Variants in IQGAP3 observed in about 807,000 individuals in gnomAD.
IQGAP3 encodes IQ motif containing GTPase activating protein 3.
IQGAP3 carries 165 observed loss-of-function variants against 208.2 expected under a neutral mutation model. The observed-to-expected ratio is 0.79, with a 90% CI of 0.70 to 0.90. IQGAP3 has a LOEUF of 0.90. IQGAP3 is among the 40% of genes least tolerant of loss of function. IQGAP3 has a pLI of 0.00. For synonymous variants in IQGAP3, 703 were observed against 803.6 expected (o/e 0.87, Z 2.12); for missense variants, 1,811 against 2,043.1 (o/e 0.89, Z 2.19).
intron 9 of IQGAP3, 67 bp downstream of exon 9, chr1:156,562,520 C>A: frequency 2.3e-6 from 3 of 1,300,596 alleles, no homozygotes; most frequent in Non-Finnish European, 3.4e-6. Flanking sequence ...AAGCTATCCC[C>A]AAACCTCCCA....
At chr1:156,541,580 C>T (rs1404727611) in intron 22 of IQGAP3, among the ~76,000 whole-genome samples, 1 of 152,158 alleles carries the variant, frequency 6.6e-6, no homozygotes, top group Non-Finnish European at 1.5e-5. Flanking sequence ...GTTCTAAGTA[C>T]TTTACGTACT....
rs767540369 is a variant in IQGAP3, at chr1:156,528,963, G to A, written c.4524C>T (p.Tyr1508=). Residue 1508 remains tyrosine (Y), a synonymous_variant, in exon 35 of 38, where the codon TAC becomes TAT. Transcript: ENST00000361170. The part of the protein sequence containing the change: ...TTFYEEQGDY[Y]SQYIRACLDH... ...CCAGGCAGGCCCGGATGTACTGGCT[G>A]TAGTAGTCACCCTGCTCCTCATAGA... is the stretch of plus-strand genomic sequence containing the variant. The A allele has an allele frequency of 5.6e-6, 9 of 1,614,248 alleles. No homozygotes were observed. Among genetic ancestry groups the A allele is most frequent in the Admixed American group, 1.7e-5 (1 of 60,032 alleles).
intron 9 of IQGAP3, 136 bp from the exon 10 acceptor site, chr1:156,562,137 A>T: frequency 3.6e-6 from 3 of 829,112 alleles, no homozygotes; most frequent in Non-Finnish European, 5.5e-6. Flanking sequence ...TCCTGGGCCC[A>T]TTTGGTTCAG....
intron 10 of IQGAP3, among the ~76,000 whole-genome samples, chr1:156,561,271 C>T (rs1004087795): frequency 1.3e-5 from 2 of 151,988 alleles, no homozygotes; most frequent in African/African-American, 4.8e-5. Context: ...CGGGTTCAAG[C>T]GATTCTCTGC....
Position 156,539,882 on chromosome 1 carries a change from G to T in IQGAP3, c.2848C>A (p.Arg950=), listed in dbSNP as rs748398015. The T allele has an allele frequency of 6.2e-7, 1 of 1,614,004 alleles. No homozygotes were observed. Among genetic ancestry groups the T allele is most frequent in the Non-Finnish European group, 8.5e-7 (1 of 1,180,044 alleles). ...KGLKSLSKEK[R]QKLEAYQHLF... is the part of the protein sequence containing the mutation. The stretch of plus-strand genomic sequence containing the variant: ...TGTTGGTATGCTTCTAGTTTCTGCC[G>T]TTTCTCTTTGCTCAGCGACTTTAAA... The change falls in exon 24 of 38, where the codon CGG becomes AGG. Residue 950 remains arginine, a synonymous_variant. Transcript: ENST00000361170.
Position 156,544,391 on chromosome 1 carries a change from T to G in IQGAP3, c.2386A>C (p.Lys796Gln). Residue 796 changes from lysine (K) to glutamine (Q), a missense_variant and splice_region_variant, in exon 20 of 38, where the codon AAG (lysine) becomes CAG (glutamine). Coordinates refer to ENST00000361170, the MANE Select transcript of IQGAP3 (RefSeq NM_178229.5). Reference sequence around the variant, plus strand: ...CCTGCCAAAACCACCGTAGCTACCTTGATTATGGCATCCAGGTTTGCTTTA... The same window carrying G: ...CCTGCCAAAACCACCGTAGCTACCTGGATTATGGCATCCAGGTTTGCTTTA... ...YFKANLDAII[K>Q]IQAWARMWAA... The G allele has an allele frequency of 6.2e-7, 1 of 1,611,984 alleles. No homozygotes were observed. Among genetic ancestry groups the G allele is most frequent in the Non-Finnish European group, 8.5e-7 (1 of 1,178,070 alleles).
rs765604535 is a variant in IQGAP3 at position 156,540,842 on chromosome 1, A to G, written c.2605T>C (p.Leu869=). 6.8e-6 allele frequency: 11 copies of G among 1,614,056 alleles called. No homozygotes were observed. In the South Asian group the frequency reaches 1.1e-4, roughly 16 times the overall value. The change falls in exon 23 of 38, where the codon TTG becomes CTG. Residue 869 remains leucine, a synonymous_variant. Transcript: ENST00000361170. ...AGCTTCAGCAGCTCTGCCTCAGCCA[A>G]GAAGTCTTGCTGGCTTTGATTCAAG... ...HLLNQSQQDF[L]AEAELLKLQE...
rs1436256054 is a variant in IQGAP3, at chr1:156,548,677, T to G, written c.1897A>C (p.Arg633=). The change falls in exon 17 of 38, where the codon AGG becomes CGG. Residue 633 remains arginine, a synonymous_variant. Coordinates refer to ENST00000361170, the MANE Select transcript of IQGAP3 (RefSeq NM_178229.5). ...CCTCGAAGGGCCACTGCGGGGTTCC[T>G]CAACACCCGCTCAGTCTGGGCTGCC... ...GKAAQTERVL[R]NPAVALRGVV... 2 of 1,611,744 alleles carry G rather than the reference T, an allele frequency of 1.2e-6. No homozygotes were observed. The highest frequency in any genetic ancestry group is 1.7e-6 in the Non-Finnish European group (2 of 1,178,630).
intron 20 of IQGAP3, 76 bp downstream of exon 20, chr1:156,544,310 CAAG>C: frequency 2.5e-6 from 4 of 1,571,166 alleles, no homozygotes; most frequent in Non-Finnish European, 3.5e-6. Context: ...CTAGAGGTCA[CAAG>C]AAGGTGACAA....
rs760391053 is a variant in IQGAP3, at chr1:156,528,108, G to T, written c.4674-48C>A. The stretch of plus-strand genomic sequence containing the variant: ...CAGGAACCCACTGCCTCTTTCCAGG[G>T]CTACAGCCACATTCTTGCACCCACT... On this transcript the variant is annotated intron_variant, in intron 36 of 37. Coordinates refer to ENST00000361170, the MANE Select transcript of IQGAP3 (RefSeq NM_178229.5). 1.3e-5 allele frequency: 19 copies of T among 1,410,400 alleles called. No individual in the cohort carries two copies. The East Asian group carries it at 4.1e-4, about 30-fold the overall frequency. The allele number at this position is 1,410,400 out of a possible 1,614,324, so 87.4% of individuals were successfully genotyped here.
At position 156,556,513 on chromosome 1, in the gene IQGAP3, C is replaced by T. The variant is rs182217684; in HGVS notation, c.1290+20G>A. 3,100 of 1,613,606 alleles carry T rather than the reference C, an allele frequency of 1.9e-3. 8 individuals carry two copies. Among genetic ancestry groups the T allele is most frequent in the Admixed American group, 2.8e-3 (168 of 59,964 alleles). On this transcript the variant is annotated intron_variant, in intron 12 of 37. Coordinates refer to ENST00000361170, the MANE Select transcript of IQGAP3 (RefSeq NM_178229.5). ...GCTGCATGGAGACTGCAGAGCTAGA[C>T]CCACATTTCTGGGGCTTACCCCCTG...
Position 156,569,425 on chromosome 1 carries a change from G to A in IQGAP3, c.76C>T (p.Arg26Trp), listed in dbSNP as rs148426263. The A allele has an allele frequency of 7.4e-6, 12 of 1,612,142 alleles. No individual in the cohort carries two copies. Among genetic ancestry groups the A allele is most frequent in the African/African-American group, 2.7e-5 (2 of 74,710 alleles). The stretch of plus-strand genomic sequence containing the variant: ...AGGTACTGATAGGCAACATTCTGCC[G>A]CCTCTGCTCATCCATCTCCTCAGCT... ...LTAEEMDEQR[R>W]QNVAYQYLCR... The change falls in exon 2 of 38, where the codon CGG (arginine) becomes TGG (tryptophan). Residue 26 changes from arginine (R) to tryptophan (W), a missense_variant. Transcript: ENST00000361170.
intron 25 of IQGAP3, 95 bp from the exon 26 acceptor site, chr1:156,539,128 C>T (rs1674855320): frequency 9.5e-7 from 1 of 1,055,248 alleles, no homozygotes; most frequent in Non-Finnish European, 1.4e-6. Flanking sequence ...CAAAGCCTGC[C>T]CTGGTGTCCC....
At chr1:156,543,787 C>CT (rs60989774) in intron 22 of IQGAP3, among the ~76,000 whole-genome samples, 194 bp downstream of exon 22, 71,065 of 152,058 alleles carry the variant, frequency 0.47, 19,509 homozygotes, top group African/African-American at 0.75. Flanking sequence ...AGAACTTTCA[C>CT]GTGACAAGGC....
intron 19 of IQGAP3, among the ~76,000 whole-genome samples, chr1:156,544,832 A>T (rs1264816081): frequency 6.6e-6 from 1 of 152,172 alleles, no homozygotes; most frequent in Admixed American, 6.5e-5. Context: ...GTACCATATC[A>T]GCCTAAAATA....
chr1:156,545,573 C>A (rs1675203237), intron 19 of IQGAP3, among the ~76,000 whole-genome samples: 1 of 151,062 alleles, frequency 6.6e-6, no homozygotes, highest in Admixed American at 6.6e-5. Context: ...TGTCATGGCT[C>A]ACTGCAGCGT....
chr1:156,543,521 A>C (rs1375787579), intron 22 of IQGAP3, among the ~76,000 whole-genome samples: 1 of 152,204 alleles, frequency 6.6e-6, no homozygotes, highest in East Asian at 1.9e-4. Flanking sequence ...GGATCTCTTT[A>C]AAGCTTTAAA....
intron 19 of IQGAP3, among the ~76,000 whole-genome samples, chr1:156,545,943 C>T (rs1675224321): frequency 6.6e-6 from 1 of 152,174 alleles, no homozygotes; most frequent in Non-Finnish European, 1.5e-5. Context: ...AAAGCCAGTT[C>T]TGCCAGCTTT....
chr1:156,536,391 T>C (rs546298654), intron 27 of IQGAP3, among the ~76,000 whole-genome samples: 1 of 152,290 alleles, frequency 6.6e-6, no homozygotes, highest in East Asian at 1.9e-4. Flanking sequence ...AAATACTGCA[T>C]AATCTCACTC....
Sources: gnomAD v4.1 joint callset for allele counts (sites outside exome capture counted in the v4.1 genomes callset) on GRCh38, gnomAD v4.1.1 for gene constraint, MANE v1.5 for transcripts, NCBI Gene and HGNC (gene_info 2026-07-23, HGNC 2026-07-21) for gene names.